The following ATF1 variants were observed in gnomAD, a reference collection of about 807,000 sequenced individuals.
The protein encoded by ATF1 is cyclic AMP-dependent transcription factor ATF-1.
Under a neutral mutation model 34.7 loss-of-function variants are expected in ATF1, and 16 were observed. The ratio of observed to expected loss-of-function variants is 0.46; its 90% CI spans 0.31 to 0.70. ATF1 has a LOEUF of 0.70. ATF1 is among the 30% of genes least tolerant of loss of function. The probability of loss-of-function intolerance (pLI) is 0.05; values close to 1 mark genes in which losing one functional copy is unlikely to be tolerated. For synonymous variants in ATF1, 105 were observed against 113.1 expected (o/e 0.93, Z 0.46); for missense variants, 255 against 321.6 (o/e 0.79, Z 1.58).
intron 3 of ATF1, among the ~76,000 whole-genome samples, chr12:50,807,379 G>C (rs1440401283): frequency 6.6e-6 from 1 of 152,010 alleles, no homozygotes; most frequent in Non-Finnish European, 1.5e-5. Flanking sequence ...ACTCCAGCCT[G>C]GGCAACAGAG....
chr12:50,783,683 G>T (rs1003534180), intron 2 of ATF1, among the ~76,000 whole-genome samples: 6 of 151,772 alleles, frequency 4.0e-5, no homozygotes, highest in East Asian at 1.9e-4. Context: ...GCCTGGCCAA[G>T]ATGGTGAAAC....
intron 2 of ATF1, among the ~76,000 whole-genome samples, chr12:50,783,443 GCTTA>G (rs549393811): frequency 1.6e-3 from 238 of 152,186 alleles, no homozygotes; most frequent in Middle Eastern, 3.4e-3. Context: ...AATTCAGTTG[GCTTA>G]CTTATATCTA....
rs1294029056 is a variant in ATF1 at position 50,786,654 on chromosome 12, TAAAAAG to T, written c.93+6427_93+6432del. ...AGTTTTCCATTGTGTCTGGGAAAAG[TAAAAAG>T]AAAAAGAAAACCCACAAACCCTGAG... On this transcript the variant is annotated intron_variant, in intron 2 of 6. Coordinates refer to ENST00000262053, the MANE Select transcript of ATF1 (RefSeq NM_005171.5). Among the ~76,000 whole-genome samples, 5 of 151,724 alleles carry T rather than the reference TAAAAAG, an allele frequency of 3.3e-5. No individual in the cohort carries two copies. In the East Asian group the frequency reaches 9.7e-4, roughly 29 times the overall value.
At chr12:50,781,203 A>G (rs1941053163) in intron 2 of ATF1, among the ~76,000 whole-genome samples, 1 of 152,188 alleles carries the variant, frequency 6.6e-6, no homozygotes, top group Admixed American at 6.6e-5. Context: ...GTATTTATAT[A>G]TAACCTACAT....
At chr12:50,792,215 G>A (rs188098682) in intron 2 of ATF1, among the ~76,000 whole-genome samples, 13 of 152,162 alleles carry the variant, frequency 8.5e-5, no homozygotes, top group Admixed American at 8.5e-4. Flanking sequence ...TACTCTATTT[G>A]TTATAGTTAG....
At chr12:50,807,993 A>G (rs905623702) in intron 3 of ATF1, among the ~76,000 whole-genome samples, 2 of 151,968 alleles carry the variant, frequency 1.3e-5, no homozygotes, top group Admixed American at 6.6e-5. Flanking sequence ...CATTTTTAGT[A>G]GAGATGGGGT....
intron 1 of ATF1, among the ~76,000 whole-genome samples, chr12:50,765,253 G>C (rs754445847): frequency 2.6e-5 from 4 of 152,092 alleles, no homozygotes; most frequent in African/African-American, 7.2e-5. Flanking sequence ...TTTAACCTGA[G>C]GTTTTTGTTA....
upstream of ATF1, chr12:50,764,080 G>C (rs61926301): frequency 2.8e-5 from 4 of 143,566 alleles, no homozygotes; most frequent in Admixed American, 7.0e-5. Flanking sequence ...CCGCCCCCAG[G>C]CTTGTGTAGA....
In ATF1 at chr12:50,814,070, G is replaced by C; in HGVS notation, c.389G>C (p.Gly130Ala). ...AGTCCAGGCACAGATGGAGTACAGG[G>C]ACTTCAGACATTAACCATGACAAAT... ...LASPGTDGVQ[G>A]LQTLTMTNSG... Residue 130 changes from glycine to alanine, a missense_variant, in exon 5 of 7, where the codon GGA (glycine) becomes GCA (alanine). Physicochemically the swap from Gly to Ala is moderately conservative, Grantham distance 60. Around this residue, in one of 2 missense-constraint regions of ATF1, gnomAD observed 221 missense variants for 250.7 expected, o/e 0.88. Transcript: ENST00000262053. 6.2e-7 allele frequency: 1 copy of C among 1,614,174 alleles called. No individual in the cohort carries two copies. The highest frequency in any genetic ancestry group is 8.5e-7 in the Non-Finnish European group (1 of 1,180,038).
intron 2 of ATF1, among the ~76,000 whole-genome samples, chr12:50,794,943 TA>T (rs1000136423): frequency 4.6e-5 from 7 of 151,572 alleles, no homozygotes; most frequent in South Asian, 2.1e-4. Flanking sequence ...TAAAAATATT[TA>T]AAAAAAAATT....
chr12:50,816,146 G>C (rs1460602775), intron 6 of ATF1, among the ~76,000 whole-genome samples: 2 of 152,010 alleles, frequency 1.3e-5, no homozygotes, highest in Non-Finnish European at 2.9e-5. Context: ...GCAAGCCTGG[G>C]CAACATACCC....
intron 2 of ATF1, among the ~76,000 whole-genome samples, chr12:50,790,862 C>G (rs1357794518): frequency 6.6e-6 from 1 of 151,894 alleles, no homozygotes; most frequent in African/African-American, 2.4e-5. Flanking sequence ...AGAAAGATTT[C>G]TAGGTTTTAG....
At chr12:50,819,503 C>A in intron 6 of ATF1, 132 bp from the exon 7 acceptor site, 1 of 1,003,630 alleles carries the variant, frequency 1.0e-6, no homozygotes, top group Non-Finnish European at 1.5e-6. Flanking sequence ...CACTTAAGAT[C>A]TATGTATTCT....
chr12:50,814,737 C>A (rs1314727615), intron 6 of ATF1, among the ~76,000 whole-genome samples: 3 of 151,518 alleles, frequency 2.0e-5, no homozygotes, highest in African/African-American at 7.3e-5. Context: ...GAACATAATA[C>A]TTGATACTAT....
At chr12:50,779,369 C>T (rs1438988743) in intron 1 of ATF1, among the ~76,000 whole-genome samples, 2 of 152,302 alleles carry the variant, frequency 1.3e-5, no homozygotes, top group East Asian at 1.9e-4. Flanking sequence ...TTCCCACCAG[C>T]ACAGTAGTGT....
intron 1 of ATF1, among the ~76,000 whole-genome samples, chr12:50,772,936 A>G (rs1940813499): frequency 6.6e-6 from 1 of 151,998 alleles, no homozygotes; most frequent in African/African-American, 2.4e-5. Flanking sequence ...CCTCCTCCAC[A>G]GGCCCCAGTG....
intron 3 of ATF1, among the ~76,000 whole-genome samples, chr12:50,808,741 TA>T (rs1941669424): frequency 7.5e-6 from 1 of 134,096 alleles, no homozygotes; most frequent in Non-Finnish European, 1.6e-5. Flanking sequence ...TAGATTATTG[TA>T]ATTTTTTTTT....
At chr12:50,765,742 T>G (rs1042867319) in intron 1 of ATF1, among the ~76,000 whole-genome samples, 2 of 152,138 alleles carry the variant, frequency 1.3e-5, no homozygotes, top group African/African-American at 4.8e-5. Context: ...CGGCCAAAAC[T>G]GAAATGGCCA....
chr12:50,773,683 G>A (rs1940838902), intron 1 of ATF1, among the ~76,000 whole-genome samples: 1 of 151,900 alleles, frequency 6.6e-6, no homozygotes, highest in African/African-American at 2.4e-5. Flanking sequence ...TCCGCCTCCT[G>A]GGTTCAGGCG....
Sources: gnomAD v4.1 joint callset for allele counts (sites outside exome capture counted in the v4.1 genomes callset) on GRCh38, gnomAD v4.1.1 for gene constraint, gnomAD v4.1.1 regional missense constraint, MANE v1.5 for transcripts, NCBI Gene and HGNC (gene_info 2026-07-23, HGNC 2026-07-21) for gene names.